RBM6: variants seen among roughly 807,000 people sequenced by gnomAD.
RBM6 encodes RNA binding motif protein 6.
Under a neutral mutation model 140.4 loss-of-function variants are expected in RBM6, and 23 were observed. The ratio of observed to expected loss-of-function variants is 0.16; its 90% CI spans 0.12 to 0.23. The LOEUF is 0.23. Ranked by LOEUF, RBM6 falls within the 10% of genes least tolerant of loss-of-function variation. The pLI is 1.00. For synonymous variants in RBM6, 439 were observed against 475.6 expected, an observed-to-expected ratio of 0.92 and a Z score of 1.00; for missense variants, 1,139 against 1,386.7, an observed-to-expected ratio of 0.82 and a Z score of 2.84.
At chr3:50,050,843 G>C (rs113952893) in intron 7 of RBM6, among the ~76,000 whole-genome samples, 1 of 151,894 alleles carries the variant, frequency 6.6e-6, no homozygotes, top group African/African-American at 2.4e-5. Context: ...TCATGTGTTT[G>C]TTGGCCATTT....
intron 5 of RBM6, among the ~76,000 whole-genome samples, chr3:49,978,289 G>A (rs1167268303): frequency 5.9e-5 from 9 of 152,094 alleles, no homozygotes; most frequent in Non-Finnish European, 1.2e-4. Flanking sequence ...ATGTGAACCA[G>A]TATGCACAGA....
At chr3:49,999,647 G>A (rs1197124294) in intron 6 of RBM6, 134 bp downstream of exon 6, 18 of 750,196 alleles carry the variant, frequency 2.4e-5, no homozygotes, top group African/African-American at 3.5e-5. Flanking sequence ...TCCAACCATC[G>A]GTTGTGAGGA....
At chr3:49,950,562 C>T (rs984839060) in intron 1 of RBM6, among the ~76,000 whole-genome samples, 2 of 152,030 alleles carry the variant, frequency 1.3e-5, no homozygotes, top group Non-Finnish European at 2.9e-5. Flanking sequence ...CAAGACCAGC[C>T]TGGCCAACAT....
intron 1 of RBM6, among the ~76,000 whole-genome samples, chr3:49,949,744 A>G (rs906615555): frequency 1.1e-4 from 17 of 151,972 alleles, no homozygotes; most frequent in Admixed American, 9.2e-4. Flanking sequence ...TGATCTCCTG[A>G]CCTCGTGATC....
chr3:50,041,279 A>G (rs897355728), intron 6 of RBM6, among the ~76,000 whole-genome samples: 1 of 152,136 alleles, frequency 6.6e-6, no homozygotes, highest in African/African-American at 2.4e-5. Flanking sequence ...GGATGCTCAA[A>G]GTGCAGCTCA....
intron 5 of RBM6, among the ~76,000 whole-genome samples, chr3:49,980,365 G>A (rs1366582884): frequency 3.3e-5 from 5 of 152,108 alleles, no homozygotes; most frequent in East Asian, 3.8e-4. Flanking sequence ...GTACTGTGAT[G>A]TATGCAGCTT....
At chr3:50,041,723 G>A (rs1051560603) in intron 6 of RBM6, among the ~76,000 whole-genome samples, 1 of 152,152 alleles carries the variant, frequency 6.6e-6, no homozygotes, top group African/African-American at 2.4e-5. Context: ...AATTGTAGGT[G>A]TTTTAAGAAC....
chr3:50,065,445 T>C, intron 16 of RBM6: 1 of 440,314 alleles, frequency 2.3e-6, no homozygotes, highest in South Asian at 1.8e-5. Context: ...GAAACCCGTT[T>C]TCTCAGCCTC....
chr3:49,967,371 T>A lies in RBM6; in HGVS notation c.45-99T>A. 2.7e-6 allele frequency: 4 copies of A among 1,502,788 alleles called. No individual in the cohort carries two copies. Among genetic ancestry groups the A allele is most frequent in the Non-Finnish European group, 3.5e-6 (4 of 1,127,898 alleles). 93.1% of individuals were successfully genotyped at this position (1,502,788 alleles called of 1,614,324 possible). On this transcript the variant is annotated intron_variant, in intron 2 of 20. Coordinates refer to ENST00000266022, the MANE Select transcript of RBM6 (RefSeq NM_005777.3). The surrounding 1 kb of genome is among the most constrained non-coding windows in gnomAD (Gnocchi z 4.0). ...TTACAGAACTCTGCCAAAAAAAAAA[T>A]GTTTACAGAAGAATGTGCTGTGATT... is the stretch of plus-strand genomic sequence containing the variant.
rs1479457911 is a variant in RBM6 at position 50,072,839 on chromosome 3, A to T, written c.3116+2287A>T. Among the ~76,000 whole-genome samples, 4 of 152,322 alleles carry T rather than the reference A, an allele frequency of 2.6e-5. No individual in the cohort carries two copies. In the East Asian group the frequency reaches 7.7e-4, roughly 29 times the overall value. ...ACACCTTGGCCTTGAGTCTTCTGGG[A>T]CAAGGCTTAGGTGGGGTGCGGAAAG... On this transcript the variant is annotated intron_variant, in intron 19 of 20. Coordinates refer to ENST00000266022, the MANE Select transcript of RBM6 (RefSeq NM_005777.3).
chr3:49,968,343 T>G lies in RBM6; in HGVS notation c.918T>G (p.Ser306=). The G allele has an allele frequency of 1.2e-6, 2 of 1,614,182 alleles. No homozygotes were observed. Residue 306 remains serine (S), a synonymous_variant, in exon 3 of 21, where the codon TCT becomes TCG. Coordinates refer to ENST00000266022, the MANE Select transcript of RBM6 (RefSeq NM_005777.3). The part of the protein sequence containing the change: ...IQPSTQDREH[S]GMNVNRREES... ...CCTCTACACAAGATAGAGAACATTC[T>G]GGTATGAATGTGAACAGGAGAGAAG... is the stretch of plus-strand genomic sequence containing the variant.
At chr3:50,036,601 A>C (rs2088551830) in intron 6 of RBM6, among the ~76,000 whole-genome samples, 1 of 152,164 alleles carries the variant, frequency 6.6e-6, no homozygotes. Context: ...GCTGCTTTCC[A>C]AATATTGGCT....
intron 5 of RBM6, among the ~76,000 whole-genome samples, chr3:49,998,997 A>C (rs2086205616): frequency 6.7e-6 from 1 of 149,406 alleles, no homozygotes; most frequent in Non-Finnish European, 1.5e-5. Flanking sequence ...CTATTAGCAT[A>C]GCCTGGGGAT....
intron 1 of RBM6, among the ~76,000 whole-genome samples, 159 bp from the exon 2 acceptor site, chr3:49,962,417 G>A (rs1267436067): frequency 1.3e-5 from 2 of 151,336 alleles, no homozygotes; most frequent in African/African-American, 4.9e-5. Flanking sequence ...GGGCGACAGA[G>A]CGAGACTCCA....
At chr3:50,043,535 C>T (rs989353411) in intron 6 of RBM6, among the ~76,000 whole-genome samples, 1 of 150,174 alleles carries the variant, frequency 6.7e-6, no homozygotes, top group African/African-American at 2.5e-5. Flanking sequence ...TATACATATA[C>T]ATATACATAC....
chr3:50,019,975 G>A (rs2087394984), intron 6 of RBM6, among the ~76,000 whole-genome samples: 1 of 150,842 alleles, frequency 6.6e-6, no homozygotes, highest in Non-Finnish European at 1.5e-5. Flanking sequence ...CTAGAGTGCA[G>A]TGGCACAATC....
At chr3:50,064,882 C>G in intron 15 of RBM6, 149 bp from the exon 16 acceptor site, 1 of 606,410 alleles carries the variant, frequency 1.6e-6, no homozygotes. Context: ...CTGCATTAGC[C>G]AGGGTGGTCT....
chr3:50,056,877 A>G (rs987637693), intron 8 of RBM6, among the ~76,000 whole-genome samples: 2 of 152,196 alleles, frequency 1.3e-5, no homozygotes, highest in African/African-American at 2.4e-5. Context: ...GTTTATTTGC[A>G]TATAAAGGAG....
intron 1 of RBM6, among the ~76,000 whole-genome samples, chr3:49,950,747 T>C (rs1575522549): frequency 1.3e-5 from 2 of 150,422 alleles, no homozygotes; most frequent in Middle Eastern, 6.8e-3. Flanking sequence ...AGAGGGAGAC[T>C]GTTTCAAAAA....
Sources: allele counts gnomAD v4.1 joint callset (sites outside exome capture counted in the v4.1 genomes callset), GRCh38; gene constraint gnomAD v4.1.1; non-coding constraint Gnocchi (gnomAD v3.1); transcripts MANE v1.5; gene names NCBI Gene and HGNC (gene_info 2026-07-23, HGNC 2026-07-21).